LRRTM4: variants seen among roughly 807,000 people sequenced by gnomAD.
The protein encoded by LRRTM4 is leucine rich repeat transmembrane neuronal 4.
Under a neutral mutation model 47.6 loss-of-function variants are expected in LRRTM4, and 25 were observed. The ratio of observed to expected loss-of-function variants is 0.53; its 90% confidence interval spans 0.38 to 0.73. LRRTM4 has a LOEUF of 0.73. Ranked by LOEUF, LRRTM4 falls within the 30% of genes least tolerant of loss-of-function variation. The pLI, the probability that LRRTM4 is intolerant of heterozygous loss-of-function variation, is 0.00. For missense variants in LRRTM4, 638 were observed against 713.4 expected (o/e 0.89, Z 1.20); for synonymous variants, 311 against 269.5 (o/e 1.15, Z -1.51).
chr2:77,489,976 G>A (rs928736309), intron 3 of LRRTM4, among the ~76,000 whole-genome samples: 6 of 152,158 alleles, frequency 3.9e-5, no homozygotes, highest in African/African-American at 7.2e-5. Flanking sequence ...TTGGCCAGGC[G>A]TGGTGGCTAA....
intron 3 of LRRTM4, among the ~76,000 whole-genome samples, chr2:77,093,566 C>T (rs574612386): frequency 1.3e-5 from 2 of 151,772 alleles, no homozygotes; most frequent in Admixed American, 6.6e-5. Context: ...TGAGAAACAT[C>T]GCCCATTCTC....
intron 3 of LRRTM4, among the ~76,000 whole-genome samples, chr2:77,346,053 G>A (rs1671549602): frequency 6.6e-6 from 1 of 151,940 alleles, no homozygotes; most frequent in African/African-American, 2.4e-5. Flanking sequence ...ATAGGTACTT[G>A]CGTCACCCTT....
chr2:77,521,200 C>T (rs545426184), intron 2 of LRRTM4, among the ~76,000 whole-genome samples: 17 of 151,990 alleles, frequency 1.1e-4, no homozygotes, highest in African/African-American at 3.9e-4. Flanking sequence ...GCTGGAAATT[C>T]GGAAGCTGTG....
chr2:77,002,894 T>G (rs147796682), intron 3 of LRRTM4, among the ~76,000 whole-genome samples: 1 of 152,178 alleles, frequency 6.6e-6, no homozygotes, highest in East Asian at 1.9e-4. Flanking sequence ...GAGTACTTAA[T>G]AATATTTTAA....
intron 3 of LRRTM4, among the ~76,000 whole-genome samples, chr2:76,857,100 A>G (rs76728307): frequency 0.13 from 19,359 of 151,418 alleles, 1,800 homozygotes; most frequent in East Asian, 0.48. Context: ...ATTTTCTTCC[A>G]TGCCTGCCAC....
intron 3 of LRRTM4, among the ~76,000 whole-genome samples, chr2:77,193,583 G>T (rs1312218329): frequency 6.6e-6 from 1 of 151,872 alleles, no homozygotes; most frequent in Non-Finnish European, 1.5e-5. Flanking sequence ...GCCGAGGCGG[G>T]CAGATCACCT....
chr2:77,161,825 T>A (rs1006882319), intron 3 of LRRTM4, among the ~76,000 whole-genome samples: 2 of 152,188 alleles, frequency 1.3e-5, no homozygotes, highest in African/African-American at 4.8e-5. Flanking sequence ...TGAGTTCCAA[T>A]GCAAATGATT....
At chr2:77,111,291 T>TTTC (rs1671242243) in intron 3 of LRRTM4, among the ~76,000 whole-genome samples, 1 of 150,010 alleles carries the variant, frequency 6.7e-6, no homozygotes, top group African/African-American at 2.5e-5. Flanking sequence ...CTATTTTTTT[T>TTTC]TTTTTTTTTT....
At chr2:77,317,143 GA>G (rs78172830) in intron 3 of LRRTM4, among the ~76,000 whole-genome samples, 23,256 of 151,954 alleles carry the variant, frequency 0.15, 2,447 homozygotes, top group East Asian at 0.42. Context: ...AATGTAAAGT[GA>G]AAAAAAGTTA....
At chr2:77,051,173 G>T (rs1679419931) in intron 3 of LRRTM4, among the ~76,000 whole-genome samples, 1 of 151,946 alleles carries the variant, frequency 6.6e-6, no homozygotes, top group African/African-American at 2.4e-5. Flanking sequence ...GCAAAGATCA[G>T]GGGTGCTGCT....
Position 77,319,255 on chromosome 2 carries a change from C to T in LRRTM4, c.1551+199063G>A, listed in dbSNP as rs1677717979. 2.0e-5 allele frequency among the ~76,000 whole-genome samples: 3 copies of T among 151,964 alleles called. No homozygotes were observed. The South Asian group carries it at 6.2e-4, about 32-fold the overall frequency. On this transcript the variant is annotated intron_variant, in intron 3 of 3. Transcript: ENST00000409884. ...ACAAAAAATCAGCTGGGTGTGGTGG[C>T]GGGCTCCTGTAATCCCAGCTACTAG...
At chr2:77,016,243 G>A (rs1254682018) in intron 3 of LRRTM4, among the ~76,000 whole-genome samples, 3 of 151,774 alleles carry the variant, frequency 2.0e-5, no homozygotes, top group Non-Finnish European at 4.4e-5. Flanking sequence ...AAAATTAGCT[G>A]GGCGTGGTGG....
At chr2:76,960,872 A>G (rs966807842) in intron 3 of LRRTM4, among the ~76,000 whole-genome samples, 1 of 151,526 alleles carries the variant, frequency 6.6e-6, no homozygotes, top group Admixed American at 6.6e-5. Flanking sequence ...TTTTTGGCAC[A>G]TTTTAAAAAA....
chr2:76,851,272 C>T (rs747134218), intron 3 of LRRTM4, among the ~76,000 whole-genome samples: 4 of 152,094 alleles, frequency 2.6e-5, no homozygotes, highest in Non-Finnish European at 5.9e-5. Context: ...GGGTGGGTGC[C>T]ACCACATTTT....
At chr2:76,941,421 C>T (rs1258531091) in intron 3 of LRRTM4, among the ~76,000 whole-genome samples, 3 of 152,048 alleles carry the variant, frequency 2.0e-5, no homozygotes, top group South Asian at 2.1e-4. Context: ...CCCATCAGCC[C>T]GTCATCTACA....
Position 76,963,979 on chromosome 2 carries a change from C to A in LRRTM4, c.1552-215063G>T, listed in dbSNP as rs186889048. On this transcript the variant is annotated intron_variant, in intron 3 of 3. Coordinates refer to ENST00000409884, the MANE Select transcript of LRRTM4 (RefSeq NM_001134745.3). ...AATATTTTTATGGCCTACTGTATTA[C>A]AAATTATGCTTTTCATTAAATTTAT... Among the ~76,000 whole-genome samples, 12 of 150,810 alleles carry A rather than the reference C, an allele frequency of 8.0e-5. No homozygotes were observed. The East Asian group carries it at 2.3e-3, about 29-fold the overall frequency.
At chr2:77,077,110 A>G (rs913840771) in intron 3 of LRRTM4, among the ~76,000 whole-genome samples, 2 of 152,218 alleles carry the variant, frequency 1.3e-5, no homozygotes, top group African/African-American at 4.8e-5. Flanking sequence ...TAGAATGTAC[A>G]TAGAGTATCA....
rs1376675706 is a variant in LRRTM4 at position 77,491,873 on chromosome 2, C to T, written c.1551+26445G>A. Among the ~76,000 whole-genome samples the T allele has an allele frequency of 2.6e-5, 4 of 151,676 alleles. No homozygotes were observed. In the East Asian group the frequency reaches 5.8e-4, roughly 22 times the overall value. ...CTATAAAAGGCACATTTTTGAAGAA[C>T]ATAAAGCAAGACATAGACTTTCTGA... On this transcript the variant is annotated intron_variant, in intron 3 of 3. Coordinates refer to ENST00000409884, the MANE Select transcript of LRRTM4 (RefSeq NM_001134745.3).
At chr2:77,369,399 A>T (rs1402624012) in intron 3 of LRRTM4, among the ~76,000 whole-genome samples, 1 of 151,672 alleles carries the variant, frequency 6.6e-6, no homozygotes, top group Non-Finnish European at 1.5e-5. Context: ...GAGTGGAGAA[A>T]ATGGGGAGAT....
Sources: gnomAD v4.1 joint callset for allele counts (sites outside exome capture counted in the v4.1 genomes callset) on GRCh38, gnomAD v4.1.1 for gene constraint, MANE v1.5 for transcripts, NCBI Gene and HGNC (gene_info 2026-07-23, HGNC 2026-07-21) for gene names.